PRIM2: variants seen among roughly 807,000 people sequenced by gnomAD.
PRIM2 encodes DNA primase subunit 2.
In PRIM2, 39 loss-of-function variants were observed where a neutral mutation model predicts 67.3. The observed-to-expected ratio is 0.58, with a 90% CI of 0.45 to 0.76. PRIM2 has a LOEUF of 0.76. Among genes scored for constraint, PRIM2 ranks in the 30% least tolerant of loss-of-function variants. The pLI is 0.00. For missense variants in PRIM2, 398 were observed against 598.7 expected (o/e 0.66, Z 3.50); for synonymous variants, 143 against 198.7 (o/e 0.72, Z 2.36).
At chr6:57,634,408 C>T (rs1454364030) in intron 13 of PRIM2, among the ~76,000 whole-genome samples, 4 of 152,272 alleles carry the variant, frequency 2.6e-5, no homozygotes, top group Admixed American at 2.6e-4. Flanking sequence ...GAGTAAACAT[C>T]AAGAAAATAG....
At chr6:57,582,693 G>A (rs1776116924) in intron 10 of PRIM2, among the ~76,000 whole-genome samples, 1 of 151,952 alleles carries the variant, frequency 6.6e-6, no homozygotes, top group Admixed American at 6.6e-5. Context: ...GTGACAGTGG[G>A]GAAGCAGCCT....
At chr6:57,560,184 G>A (rs1488685784) in intron 10 of PRIM2, among the ~76,000 whole-genome samples, 4 of 152,052 alleles carry the variant, frequency 2.6e-5, no homozygotes, top group African/African-American at 9.7e-5. Context: ...TTTCAACAGT[G>A]TTCACAGCAT....
intron 5 of PRIM2, among the ~76,000 whole-genome samples, chr6:57,328,062 G>T (rs544408234): frequency 6.6e-6 from 1 of 152,138 alleles, no homozygotes; most frequent in Admixed American, 6.5e-5. Flanking sequence ...GGTAATGCTC[G>T]CTCACTGCTC....
intron 7 of PRIM2, among the ~76,000 whole-genome samples, chr6:57,408,779 A>G (rs1455643714): frequency 6.6e-6 from 1 of 151,998 alleles, no homozygotes; most frequent in African/African-American, 2.4e-5. Context: ...TGGTGAAATC[A>G]TAGCTCATTG....
At chr6:57,627,279 CAAAAAAAAAAAAAAAAAAA>C (rs1158722297) in intron 12 of PRIM2, among the ~76,000 whole-genome samples, 7 of 24,538 alleles carry the variant, frequency 2.9e-4, no homozygotes, top group African/African-American at 8.1e-4. Context: ...GACTCTGTCT[CAAAAAAAAAAAAAAAAAAA>C]AAAAAAAAAA....
At chr6:57,338,204 T>A (rs1010892018) in intron 5 of PRIM2, among the ~76,000 whole-genome samples, 2 of 152,024 alleles carry the variant, frequency 1.3e-5, no homozygotes, top group Non-Finnish European at 1.5e-5. Context: ...TCTGAAATTG[T>A]GGTAATAATC....
intron 7 of PRIM2, among the ~76,000 whole-genome samples, chr6:57,391,087 T>C (rs1177778352): frequency 6.8e-6 from 1 of 146,372 alleles, no homozygotes; most frequent in African/African-American, 2.6e-5. Flanking sequence ...TTCTGACTGG[T>C]ATGAGATGGT....
At chr6:57,238,945 C>T in the PRIM2 span, among the ~76,000 whole-genome samples, 4 of 152,180 alleles carry the variant, frequency 2.6e-5, no homozygotes, top group South Asian at 6.2e-4. Context: ...AGTCACACGT[C>T]TCTCTATATC....
chr6:57,443,719 T>C (rs1198482094), intron 7 of PRIM2, among the ~76,000 whole-genome samples: 1 of 152,154 alleles, frequency 6.6e-6, no homozygotes, highest in Non-Finnish European at 1.5e-5. Context: ...ATAGGTTGTC[T>C]CTGCATATTG....
rs1768281513 is a variant in PRIM2, at chr6:57,337,142, T to A, written c.459+11097T>A. Among the ~76,000 whole-genome samples the A allele has an allele frequency of 2.0e-5, 3 of 152,178 alleles. No homozygotes were observed. The South Asian group carries it at 6.2e-4, about 32-fold the overall frequency. The stretch of plus-strand genomic sequence containing the variant: ...CATTACATAATGGTAAAGGGATCAA[T>A]TCAATAAGAAGAGCTAACTATCCTA... On this transcript the variant is annotated intron_variant, in intron 5 of 13. Transcript: ENST00000615550.
intron 5 of PRIM2, among the ~76,000 whole-genome samples, chr6:57,369,299 A>G (rs1369984315): frequency 6.6e-6 from 1 of 152,250 alleles, no homozygotes; most frequent in African/African-American, 2.4e-5. Flanking sequence ...AAAAAGAAAA[A>G]GACACACAGC....
At chr6:57,242,331 T>C in the PRIM2 span, among the ~76,000 whole-genome samples, 1 of 152,242 alleles carries the variant, frequency 6.6e-6, no homozygotes, top group African/African-American at 2.4e-5. Flanking sequence ...ATTTTGTGTT[T>C]GAAAATTGCT....
upstream of PRIM2, among the ~76,000 whole-genome samples, chr6:57,310,201 C>G (rs1013883827): frequency 1.3e-5 from 2 of 152,330 alleles, no homozygotes; most frequent in South Asian, 2.1e-4. Context: ...AAATGCTCAT[C>G]ATCACTGGTC....
intron 10 of PRIM2, among the ~76,000 whole-genome samples, chr6:57,546,935 C>G (rs1775299892): frequency 6.6e-6 from 1 of 152,112 alleles, no homozygotes; most frequent in African/African-American, 2.4e-5. Flanking sequence ...TAAAATAAAG[C>G]TCTTTGAGTT....
intron 7 of PRIM2, among the ~76,000 whole-genome samples, chr6:57,446,721 C>A (rs1772379954): frequency 6.6e-6 from 1 of 152,094 alleles, no homozygotes; most frequent in African/African-American, 2.4e-5. Context: ...ATGGAGGTCC[C>A]TGTGTAAGGA....
intron 7 of PRIM2, among the ~76,000 whole-genome samples, chr6:57,506,918 TA>T (rs1439166720): frequency 3.3e-5 from 5 of 152,128 alleles, no homozygotes; most frequent in African/African-American, 9.7e-5. Flanking sequence ...GCTGACAGAA[TA>T]AAGTACATAC....
At chr6:57,246,924 A>C in the PRIM2 span, among the ~76,000 whole-genome samples, 1 of 149,522 alleles carries the variant, frequency 6.7e-6, no homozygotes, top group Non-Finnish European at 1.5e-5. Flanking sequence ...GCGCGATCTC[A>C]GCTCACTGCA....
At chr6:57,453,386 A>T (rs1772630306) in intron 7 of PRIM2, among the ~76,000 whole-genome samples, 1 of 152,148 alleles carries the variant, frequency 6.6e-6, no homozygotes, top group Admixed American at 6.5e-5. Flanking sequence ...CAGTATGGCC[A>T]TTTTCACAAT....
At chr6:57,556,666 C>T (rs1425632895) in intron 10 of PRIM2, among the ~76,000 whole-genome samples, 1 of 152,028 alleles carries the variant, frequency 6.6e-6, no homozygotes, top group African/African-American at 2.4e-5. Context: ...AATGTTAAAC[C>T]CAAAACACTA....
Sources: gnomAD v4.1 joint callset for allele counts (sites outside exome capture counted in the v4.1 genomes callset) on GRCh38, gnomAD v4.1.1 for gene constraint, MANE v1.5 for transcripts, NCBI Gene and HGNC (gene_info 2026-07-23, HGNC 2026-07-21) for gene names.